Variants in FREM1 observed in about 807,000 individuals in gnomAD.
The protein encoded by FREM1 is FRAS1 related extracellular matrix 1.
A neutral mutation model predicts 210.1 loss-of-function variants in FREM1; 220 were observed. That is an observed-to-expected ratio of 1.05 (90% confidence interval 0.94 to 1.17). FREM1 has a LOEUF of 1.17. Among genes scored for constraint, FREM1 ranks in the 50% most tolerant of loss-of-function variants. The probability of loss-of-function intolerance (pLI) is 0.00; values close to 1 mark genes in which losing one functional copy is unlikely to be tolerated. For synonymous variants in FREM1, 1,189 were observed against 980.2 expected (o/e 1.21, Z -3.98); for missense variants, 3,454 against 2,675.5 (o/e 1.29, Z -6.42).
At chr9:14,801,597 G>T in intron 20 of FREM1, 55 bp downstream of exon 20, 1 of 1,210,582 alleles carries the variant, frequency 8.3e-7, no homozygotes, top group Non-Finnish European at 1.2e-6. Context: ...ATATAAGTAT[G>T]GGTTAAATTA....
chr9:14,904,069 C>G (rs1438337763), intron 1 of FREM1, among the ~76,000 whole-genome samples: 1 of 137,750 alleles, frequency 7.3e-6, no homozygotes, highest in Non-Finnish European at 1.5e-5. Context: ...TTGCAGTGAG[C>G]CAAGATCGCG....
rs1344616826 is a variant in FREM1, at chr9:14,804,884, T to C, written c.3471+72A>G. 2.6e-6 allele frequency: 3 copies of C among 1,170,142 alleles called. No individual in the cohort carries two copies. In the East Asian group the frequency reaches 7.0e-5, roughly 27 times the overall value. The allele number at this position is 1,170,142 out of a possible 1,614,324, so 72.5% of individuals were successfully genotyped here. A position where few individuals can be genotyped will look rare whatever the true frequency, so the allele number is the denominator to read the frequency against. ...CAATGTGTTAATGCACTTGGAGCAA[T>C]GTAAATGGACTAATTGAAAATAAAA... On this transcript the variant is annotated intron_variant, in intron 19 of 36. Coordinates refer to ENST00000380880, the MANE Select transcript of FREM1 (RefSeq NM_001379081.2).
chr9:14,876,722 T>C lies in FREM1; in HGVS notation c.-267-7478A>G, dbSNP rs371139115. On this transcript the variant is annotated intron_variant, in intron 1 of 36. Transcript: ENST00000380880. ...CACTGTCTGGCACTCCCTAGTGAGA[T>C]GAACCCGGTACCTCAGATGGAAATA... Among the ~76,000 whole-genome samples the C allele has an allele frequency of 4.6e-5, 7 of 152,308 alleles. No individual in the cohort carries two copies. In the East Asian group the frequency reaches 1.4e-3, roughly 30 times the overall value.
At position 14,824,824 on chromosome 9, in the gene FREM1, T is replaced by G. The variant is rs1021003523; in HGVS notation, c.2050A>C (p.Thr684Pro). The change falls in exon 11 of 37, where the codon ACT becomes CCT. Residue 684 changes from threonine (T) to proline (P), a missense_variant. Coordinates refer to ENST00000380880, the MANE Select transcript of FREM1 (RefSeq NM_001379081.2). ...YDRELVYTIT[T>P]PPFFSFSHRH... ...TGGCTGAAGGAGAAAAATGGAGGAG[T>G]AGTTATTGTGTAGACCAGCTCCCTG... is the stretch of plus-strand genomic sequence containing the variant. 1.9e-6 allele frequency: 3 copies of G among 1,611,366 alleles called. No individual in the cohort carries two copies. Among genetic ancestry groups the G allele is most frequent in the Non-Finnish European group, 2.5e-6 (3 of 1,178,808 alleles).
At chr9:14,747,114 C>A in intron 33 of FREM1, 63 bp from the exon 34 acceptor site, 1 of 1,607,022 alleles carries the variant, frequency 6.2e-7, no homozygotes, top group South Asian at 1.1e-5. Flanking sequence ...CTCACACATT[C>A]ACCTCCTTTG....
chr9:14,749,065 A>C (rs1842916117), intron 30 of FREM1, among the ~76,000 whole-genome samples: 1 of 152,204 alleles, frequency 6.6e-6, no homozygotes. Context: ...ATGTCATAGA[A>C]TTAAGTAGTA....
At chr9:14,878,491 C>G (rs1171831359) in intron 1 of FREM1, among the ~76,000 whole-genome samples, 1 of 152,206 alleles carries the variant, frequency 6.6e-6, no homozygotes, top group Non-Finnish European at 1.5e-5. Context: ...TCAGTCTCAT[C>G]TCCTAGCATT....
intron 1 of FREM1, among the ~76,000 whole-genome samples, chr9:14,878,180 C>T (rs1229134979): frequency 6.6e-6 from 1 of 152,160 alleles, no homozygotes; most frequent in African/African-American, 2.4e-5. Flanking sequence ...AAAGGTGAAG[C>T]CCTGGTGATG....
At chr9:14,770,374 A>T (rs991210590) in intron 26 of FREM1, among the ~76,000 whole-genome samples, 6 of 152,312 alleles carry the variant, frequency 3.9e-5, no homozygotes, top group Admixed American at 6.5e-5. Context: ...TGAGAAAAAA[A>T]ATATAAATAA....
chr9:14,886,862 G>A (rs1191254393), intron 1 of FREM1, among the ~76,000 whole-genome samples: 2 of 128,112 alleles, frequency 1.6e-5, no homozygotes, highest in African/African-American at 5.9e-5. Flanking sequence ...CAGCCTGAGT[G>A]ACAAAGTGAA....
At chr9:14,810,008 G>A (rs980263205) in intron 16 of FREM1, among the ~76,000 whole-genome samples, 28 of 152,134 alleles carry the variant, frequency 1.8e-4, no homozygotes, top group Non-Finnish European at 3.8e-4. Flanking sequence ...GCAAGGTGCT[G>A]AGGGTGAAAG....
At chr9:14,871,424 C>T (rs1480211469) in intron 1 of FREM1, among the ~76,000 whole-genome samples, 1 of 152,114 alleles carries the variant, frequency 6.6e-6, no homozygotes, top group Non-Finnish European at 1.5e-5. Flanking sequence ...AGCATTTTTT[C>T]ATGTGTTATT....
intron 23 of FREM1, among the ~76,000 whole-genome samples, chr9:14,784,940 C>T (rs1850178842): frequency 6.6e-6 from 1 of 152,160 alleles, no homozygotes; most frequent in East Asian, 1.9e-4. Context: ...ATGTAGAAGC[C>T]TGACTGTACA....
At chr9:14,788,844 G>A (rs1347950051) in intron 23 of FREM1, 75 bp downstream of exon 23, 2 of 1,124,906 alleles carry the variant, frequency 1.8e-6, no homozygotes, top group South Asian at 1.8e-5. Context: ...GAAAGAGAGA[G>A]AAAGAAACGA....
chr9:14,856,690 G>A (rs1044002999), intron 5 of FREM1, among the ~76,000 whole-genome samples: 1 of 152,048 alleles, frequency 6.6e-6, no homozygotes, highest in African/African-American at 2.4e-5. Flanking sequence ...AAAATTGGCC[G>A]GGCGTGGTGG....
At chr9:14,895,378 GT>G (rs1368037228) in intron 1 of FREM1, among the ~76,000 whole-genome samples, 5 of 152,126 alleles carry the variant, frequency 3.3e-5, no homozygotes, top group Admixed American at 3.3e-4. Flanking sequence ...CTCATCAGTT[GT>G]TTTTTGAGTA....
intron 6 of FREM1, chr9:14,850,681 AACACACCTGCACATCCTGCAC>A (rs1454048793): frequency 2.6e-5 from 4 of 152,442 alleles, no homozygotes; most frequent in African/African-American, 9.7e-5. Flanking sequence ...TTACCTATGT[AACACACCTGCACATCCTGCAC>A]ATGTACCCCA....
chr9:14,890,291 G>T lies in FREM1; in HGVS notation c.-268+19623C>A, dbSNP rs553148130. 1.4e-4 allele frequency among the ~76,000 whole-genome samples: 21 copies of T among 152,306 alleles called. No homozygotes were observed. In the South Asian group the frequency reaches 4.1e-3, roughly 30 times the overall value. ...CAAATTCATTAGGTTTCCTTCCTTA[G>T]ATTTCCAATAGCTCAAACTCTACCC... On this transcript the variant is annotated intron_variant, in intron 1 of 36. Coordinates refer to ENST00000380880, the MANE Select transcript of FREM1 (RefSeq NM_001379081.2).
At chr9:14,825,547 G>GTGTGTATATATATATATATA in intron 10 of FREM1, among the ~76,000 whole-genome samples, 3 of 75,894 alleles carry the variant, frequency 4.0e-5, no homozygotes, top group Non-Finnish European at 7.4e-5. Flanking sequence ...GTGTGTGTGT[G>GTGTGTATATATATATATATA]TATATATATA....
Sources: allele counts gnomAD v4.1 joint callset (sites outside exome capture counted in the v4.1 genomes callset), GRCh38; gene constraint gnomAD v4.1.1; transcripts MANE v1.5; gene names NCBI Gene and HGNC (gene_info 2026-07-23, HGNC 2026-07-21).